Variants in GRAMD2B observed in about 807,000 individuals in gnomAD.
GRAMD2B encodes GRAM domain-containing protein 2B.
In GRAMD2B, 41 loss-of-function variants were observed where a neutral mutation model predicts 59.2. That is an observed-to-expected ratio of 0.69 (90% CI 0.54 to 0.90). The LOEUF is 0.90. Ranked by LOEUF, GRAMD2B falls within the 40% of genes least tolerant of loss-of-function variation. GRAMD2B has a pLI of 0.00. For synonymous variants in GRAMD2B, 161 were observed against 182.7 expected (o/e 0.88, Z 0.96); for missense variants, 424 against 500.5 (o/e 0.85, Z 1.46).
chr5:126,424,462 T>G (rs1760238934), intron 1 of GRAMD2B, among the ~76,000 whole-genome samples: 1 of 152,226 alleles, frequency 6.6e-6, no homozygotes, highest in South Asian at 2.1e-4. Context: ...GGGATATGTA[T>G]TATCATAAGG....
intron 1 of GRAMD2B, among the ~76,000 whole-genome samples, chr5:126,428,815 G>A (rs34585744): frequency 0.22 from 34,187 of 151,994 alleles, 4,060 homozygotes; most frequent in Non-Finnish European, 0.27. Context: ...TTAGCGAAAC[G>A]CAAATCAAAA....
intron 1 of GRAMD2B, among the ~76,000 whole-genome samples, chr5:126,411,902 C>T (rs1036990863): frequency 2.7e-5 from 4 of 148,390 alleles, no homozygotes; most frequent in Non-Finnish European, 6.0e-5. Flanking sequence ...CTTGATTTGG[C>T]TCTCAACTTG....
intron 8 of GRAMD2B, among the ~76,000 whole-genome samples, chr5:126,481,710 G>C (rs1339803704): frequency 1.3e-5 from 2 of 152,170 alleles, no homozygotes; most frequent in African/African-American, 2.4e-5. Context: ...GCTCACGCCT[G>C]TAATCCCAGC....
At chr5:126,363,697 C>T (rs918267575) in intron 1 of GRAMD2B, among the ~76,000 whole-genome samples, 4 of 152,120 alleles carry the variant, frequency 2.6e-5, no homozygotes, top group Admixed American at 1.3e-4. Context: ...ATGATCCCAT[C>T]TATATATGAA....
intron 1 of GRAMD2B, among the ~76,000 whole-genome samples, chr5:126,381,731 C>T (rs915186973): frequency 6.6e-6 from 1 of 151,896 alleles, no homozygotes; most frequent in Admixed American, 6.6e-5. Flanking sequence ...ATTCATTGTG[C>T]TATTTGTTGC....
At chr5:126,481,576 A>G (rs1771851738) in intron 8 of GRAMD2B, among the ~76,000 whole-genome samples, 1 of 152,188 alleles carries the variant, frequency 6.6e-6, no homozygotes, top group Non-Finnish European at 1.5e-5. Context: ...ATTATTCATC[A>G]TAGCCAAAAG....
At chr5:126,487,647 C>G (rs760724474) in intron 12 of GRAMD2B, among the ~76,000 whole-genome samples, 2 of 152,196 alleles carry the variant, frequency 1.3e-5, no homozygotes, top group Non-Finnish European at 2.9e-5. Flanking sequence ...AGAGTATTCA[C>G]CACATGCTGA....
chr5:126,377,343 GTATT>G (rs1365995112), intron 1 of GRAMD2B, among the ~76,000 whole-genome samples: 6 of 151,906 alleles, frequency 3.9e-5, no homozygotes, highest in African/African-American at 1.5e-4. Flanking sequence ...CCATCAGGAT[GTATT>G]TATTACAAAG....
chr5:126,484,038 C>T (rs1462586241), intron 9 of GRAMD2B, among the ~76,000 whole-genome samples: 1 of 152,178 alleles, frequency 6.6e-6, no homozygotes, highest in African/African-American at 2.4e-5. Context: ...CCATGTTGGT[C>T]AGGCTGGTCT....
intron 1 of GRAMD2B, among the ~76,000 whole-genome samples, chr5:126,429,214 C>T (rs1242369601): frequency 3.9e-5 from 6 of 151,916 alleles, no homozygotes; most frequent in South Asian, 2.1e-4. Context: ...GCCATAAAAA[C>T]GAGATCACAT....
rs116655099 is a variant in GRAMD2B, at chr5:126,490,469, G to A, written c.1257+1577G>A. 6.7e-3 allele frequency: 1,022 copies of A among 152,434 alleles called. 14 individuals carry two copies. The highest frequency in any genetic ancestry group is 0.023 in the African/African-American group (967 of 41,564). The allele number at this position is 152,434 out of a possible 1,614,324, so 9.4% of individuals were successfully genotyped here. On this transcript the variant is annotated intron_variant, in intron 13 of 13. Transcript: ENST00000285689. ...GTTCAGACAGCTTAGCAGGGAGGCC[G>A]GGGAGGTTTACAGGAGCACCAGTGG...
At chr5:126,468,178 G>A (rs1768820626) in intron 2 of GRAMD2B, among the ~76,000 whole-genome samples, 1 of 152,166 alleles carries the variant, frequency 6.6e-6, no homozygotes. Context: ...TGAAATGACT[G>A]CGTTTAGCCG....
intron 1 of GRAMD2B, among the ~76,000 whole-genome samples, chr5:126,412,295 T>C (rs1758879340): frequency 1.3e-5 from 2 of 152,130 alleles, no homozygotes; most frequent in Non-Finnish European, 2.9e-5. Context: ...TGATGCCTAG[T>C]TTCTTAAGAG....
intron 3 of GRAMD2B, among the ~76,000 whole-genome samples, chr5:126,471,733 C>T (rs1275079264): frequency 6.6e-6 from 1 of 152,252 alleles, no homozygotes; most frequent in Middle Eastern, 3.4e-3. Context: ...CTGTTTTTGC[C>T]CTCTGGTACA....
chr5:126,468,428 C>A (rs911929572), intron 2 of GRAMD2B, among the ~76,000 whole-genome samples: 14 of 152,036 alleles, frequency 9.2e-5, no homozygotes, highest in African/African-American at 3.4e-4. Flanking sequence ...CCTGTTAGGC[C>A]CAGCATTTTA....
intron 2 of GRAMD2B, chr5:126,466,224 C>T: frequency 6.5e-7 from 1 of 1,543,784 alleles, no homozygotes; most frequent in South Asian, 1.2e-5. Context: ...AGAACTGCTA[C>T]CTTCTACTTC....
intron 1 of GRAMD2B, among the ~76,000 whole-genome samples, chr5:126,440,989 T>C (rs543996908): frequency 6.6e-6 from 1 of 152,282 alleles, no homozygotes; most frequent in East Asian, 1.9e-4. Flanking sequence ...TTTATTGAAA[T>C]AGGCCTGGAA....
intron 1 of GRAMD2B, 108 bp downstream of exon 1, chr5:126,423,797 A>G (rs1191244597): frequency 2.0e-5 from 21 of 1,049,722 alleles, no homozygotes; most frequent in African/African-American, 8.3e-5. Context: ...GAGCTCCTAT[A>G]TGGACAATCT....
upstream of GRAMD2B, among the ~76,000 whole-genome samples, chr5:126,367,855 C>T (rs1754536937): frequency 6.6e-6 from 1 of 152,120 alleles, no homozygotes; most frequent in Non-Finnish European, 1.5e-5. Flanking sequence ...CGGTTCACGC[C>T]ATTCTCCTGC....
Sources: gnomAD v4.1 joint callset for allele counts (sites outside exome capture counted in the v4.1 genomes callset) on GRCh38, gnomAD v4.1.1 for gene constraint, MANE v1.5 for transcripts, NCBI Gene and HGNC (gene_info 2026-07-23, HGNC 2026-07-21) for gene names.